The following PIWIL2 variants were observed in gnomAD, a reference collection of about 807,000 sequenced individuals.
The protein encoded by PIWIL2 is piwi like RNA-mediated gene silencing 2, also known as piwi-like protein 2.
In PIWIL2, 81 loss-of-function variants were observed where a neutral mutation model predicts 116.5. The ratio of observed to expected loss-of-function variants is 0.70; its 90% CI spans 0.58 to 0.84. The LOEUF (loss-of-function observed/expected upper bound fraction) is 0.84. Ranked by LOEUF, PIWIL2 falls within the 40% of genes least tolerant of loss-of-function variation. PIWIL2 has a pLI of 0.00. For missense variants in PIWIL2, 1,272 were observed against 1,212.3 expected, an observed-to-expected ratio of 1.05 and a Z score of -0.73; for synonymous variants, 489 against 429.5, an observed-to-expected ratio of 1.14 and a Z score of -1.71.
At chr8:22,347,462 T>C (rs1037436755) in intron 20 of PIWIL2, among the ~76,000 whole-genome samples, 4 of 149,968 alleles carry the variant, frequency 2.7e-5, no homozygotes, top group African/African-American at 9.8e-5. Flanking sequence ...TGTGATCTGC[T>C]CGCCTCAGCC....
rs372992003 is a variant in PIWIL2, at chr8:22,288,590, A to G, written c.910A>G (p.Ile304Val). The G allele has an allele frequency of 5.6e-6, 9 of 1,612,906 alleles. No individual in the cohort carries two copies. In the African/African-American group the frequency reaches 6.7e-5, roughly 12 times the overall value. ...GAAAACAGACAGTGCTGAAATCAGC[A>G]TTAAGATTCAGATGACAAAGATCCT... The part of the protein sequence containing the change: ...QRKTDSAEIS[I>V]KIQMTKILEP... Residue 304 changes from isoleucine to valine, a missense_variant, in exon 8 of 23, where the codon ATT becomes GTT. Transcript: ENST00000356766.
intron 20 of PIWIL2, among the ~76,000 whole-genome samples, chr8:22,345,830 A>C (rs966638647): frequency 2.6e-5 from 4 of 152,196 alleles, no homozygotes; most frequent in Admixed American, 6.5e-5. Flanking sequence ...TGTTTAGTGA[A>C]ATTTATTTAA....
intron 17 of PIWIL2, 89 bp from the exon 18 acceptor site, chr8:22,314,940 C>T (rs1831420109): frequency 2.8e-6 from 2 of 725,956 alleles, no homozygotes. Context: ...GTTTCTTAAA[C>T]AAATGTAATG....
At chr8:22,352,243 C>G (rs1172855962) in intron 20 of PIWIL2, among the ~76,000 whole-genome samples, 3 of 152,228 alleles carry the variant, frequency 2.0e-5, no homozygotes, top group African/African-American at 7.2e-5. Context: ...CCGTGCCTGG[C>G]CCTTCTTGAA....
intron 13 of PIWIL2, among the ~76,000 whole-genome samples, chr8:22,306,366 A>G (rs983568430): frequency 6.6e-6 from 1 of 152,362 alleles, no homozygotes; most frequent in South Asian, 2.1e-4. Context: ...CTTTGAGAGC[A>G]CTGAGTTATT....
At chr8:22,291,281 G>GC (rs1328608837) in intron 10 of PIWIL2, among the ~76,000 whole-genome samples, 1 of 151,860 alleles carries the variant, frequency 6.6e-6, no homozygotes, top group Non-Finnish European at 1.5e-5. Flanking sequence ...CTCCCGAGTA[G>GC]CCAGGACCAC....
chr8:22,289,152 C>CTTTTTTTTTTT (rs374688951), intron 8 of PIWIL2, among the ~76,000 whole-genome samples: 2 of 135,286 alleles, frequency 1.5e-5, no homozygotes, highest in African/African-American at 2.7e-5. Flanking sequence ...TTTCTTTTTT[C>CTTTTTTTTTTT]TTTTTTTTTT....
intron 10 of PIWIL2, 111 bp downstream of exon 10, chr8:22,290,457 C>T: frequency 1.6e-6 from 1 of 634,372 alleles, no homozygotes; most frequent in East Asian, 3.0e-5. Context: ...GTTTTTTCCC[C>T]CAGAGACAGG....
chr8:22,337,493 C>G (rs1255401790), intron 20 of PIWIL2, among the ~76,000 whole-genome samples: 3 of 151,912 alleles, frequency 2.0e-5, no homozygotes, highest in East Asian at 3.9e-4. Flanking sequence ...CTTTGGGAGG[C>G]TGAGGCGGGT....
At chr8:22,295,377 A>G (rs1473119527) in intron 10 of PIWIL2, among the ~76,000 whole-genome samples, 3 of 151,754 alleles carry the variant, frequency 2.0e-5, no homozygotes, top group African/African-American at 7.3e-5. Context: ...TGTACTTACC[A>G]CTAATTTAAG....
At chr8:22,282,895 A>G (rs1477837686) in intron 4 of PIWIL2, 139 bp from the exon 5 acceptor site, 3 of 700,722 alleles carry the variant, frequency 4.3e-6, no homozygotes, top group Admixed American at 2.2e-5. Context: ...TGGCCTTGGC[A>G]TATGTAGTTT....
At chr8:22,296,228 G>A (rs1049804942) in intron 10 of PIWIL2, among the ~76,000 whole-genome samples, 6 of 151,586 alleles carry the variant, frequency 4.0e-5, no homozygotes, top group African/African-American at 1.5e-4. Flanking sequence ...GCTAATTTTT[G>A]TAGAGACAGG....
chr8:22,282,537 A>G (rs1331198963), intron 4 of PIWIL2, among the ~76,000 whole-genome samples: 2 of 151,648 alleles, frequency 1.3e-5, no homozygotes, highest in African/African-American at 4.8e-5. Context: ...CTATTCTGCT[A>G]TGGAAGATGG....
intron 20 of PIWIL2, among the ~76,000 whole-genome samples, chr8:22,338,796 G>A (rs1220835959): frequency 6.6e-6 from 1 of 152,216 alleles, no homozygotes. Flanking sequence ...ATCTACAAAT[G>A]TAACAAGATC....
intron 13 of PIWIL2, among the ~76,000 whole-genome samples, chr8:22,307,479 T>A (rs1029780597): frequency 0.012 from 674 of 54,480 alleles, 38 homozygotes; most frequent in East Asian, 0.052. Context: ...ATTCATTTTT[T>A]TTTTTTTTTT....
intron 10 of PIWIL2, among the ~76,000 whole-genome samples, chr8:22,297,246 T>G (rs1830928917): frequency 6.6e-6 from 1 of 152,104 alleles, no homozygotes; most frequent in Non-Finnish European, 1.5e-5. Flanking sequence ...TACCTCAGCC[T>G]CCGAAAGTGC....
At chr8:22,292,347 C>T (rs1415271599) in intron 10 of PIWIL2, among the ~76,000 whole-genome samples, 1 of 152,154 alleles carries the variant, frequency 6.6e-6, no homozygotes, top group Non-Finnish European at 1.5e-5. Context: ...AGTGGGAACA[C>T]CAGTCAAGAG....
Position 22,316,307 on chromosome 8 carries a change from G to T in PIWIL2, c.2271G>T (p.Val757=). The change falls in exon 19 of 23, where the codon GTG becomes GTT. Residue 757 remains valine, a synonymous_variant. Transcript: ENST00000356766. Reference sequence around the variant, plus strand: ...ACCCCAGTAGAGGCATGCGCTCCGTGGTTGGCTTCGTGGCAAGCATCAATC... The same window carrying T: ...ACCCCAGTAGAGGCATGCGCTCCGTTGTTGGCTTCGTGGCAAGCATCAATC... ...YHDPSRGMRS[V]VGFVASINLT... 6.2e-7 allele frequency: 1 copy of T among 1,612,306 alleles called. No homozygotes were observed. The highest frequency in any genetic ancestry group is 8.5e-7 in the Non-Finnish European group (1 of 1,178,408).
intron 20 of PIWIL2, among the ~76,000 whole-genome samples, chr8:22,318,938 T>C (rs1020211719): frequency 3.9e-5 from 6 of 152,246 alleles, no homozygotes; most frequent in South Asian, 2.1e-4. Flanking sequence ...TTATAACTTA[T>C]TAGGCGCTGG....
Sources: allele counts gnomAD v4.1 joint callset (sites outside exome capture counted in the v4.1 genomes callset), GRCh38; gene constraint gnomAD v4.1.1; transcripts MANE v1.5; gene names NCBI Gene and HGNC (gene_info 2026-07-23, HGNC 2026-07-21).